UBA1: variants seen among roughly 807,000 people sequenced by gnomAD.
UBA1 encodes ubiquitin-like modifier-activating enzyme 1.
In UBA1, 4 loss-of-function variants were observed where a neutral mutation model predicts 84.7. The observed-to-expected ratio is 0.05, with a 90% CI of 0.02 to 0.11. The LOEUF (loss-of-function observed/expected upper bound fraction) is 0.11. UBA1 is among the 10% of genes least tolerant of loss of function. UBA1 has a pLI of 1.00. For missense variants in UBA1, 513 were observed against 902.8 expected (o/e 0.57, Z 5.53); for synonymous variants, 364 against 362.6 (o/e 1.00, Z -0.04).
At chrX:47,201,146 C>T (rs782371455) in intron 6 of UBA1, 130 bp from the exon 7 acceptor site, 1 of 796,312 alleles carries the variant, frequency 1.3e-6, no homozygotes, top group Non-Finnish European at 1.9e-6. Context: ...CCATGTGGCA[C>T]AAGTACCATC....
chrX:47,197,628 ATTG>A, intron 1 of UBA1: 2 of 754,043 alleles, frequency 2.7e-6, no homozygotes, highest in East Asian at 3.0e-4. Context: ...AGCAGGCTTT[ATTG>A]TTCTGTCTCT....
rs782469773 is a variant in UBA1 at position 47,209,982 on chromosome X, G to T, written c.2058G>T (p.Glu686Asp). 1 of 1,210,909 alleles carries T rather than the reference G, an allele frequency of 8.3e-7. No homozygotes were observed. Among genetic ancestry groups the T allele is most frequent in the African/African-American group, 1.7e-5 (1 of 57,336 alleles). Residue 686 changes from glutamate (E) to aspartate (D), a missense_variant, in exon 18 of 26, where the codon GAG (glutamate) becomes GAT (aspartate). Physicochemically the swap from Glu to Asp is conservative, Grantham distance 45. This residue lies in a region of UBA1 where 40 missense variants were observed against 138.3 expected (regional missense o/e 0.29). Coordinates refer to ENST00000335972, the MANE Select transcript of UBA1 (RefSeq NM_003334.4). ...TLRLAGTQPLEVLEAVQRSLV... is the reference protein window; with the variant it reads ...TLRLAGTQPLDVLEAVQRSLV... ...GGCTGGCAGGCACTCAGCCCTTGGA[G>T]GTGCTGGAGGCTGTGCAGCGCAGCC...
chrX:47,197,778 C>T (rs782045034), intron 1 of UBA1: 13 of 445,999 alleles, frequency 2.9e-5, no homozygotes, highest in South Asian at 1.1e-4. Flanking sequence ...TCAGAGTCAG[C>T]AGATCCTGGT....
intron 8 of UBA1, 62 bp from the exon 9 acceptor site, chrX:47,202,094 G>A: frequency 1.0e-6 from 1 of 982,173 alleles, no homozygotes; most frequent in Non-Finnish European, 1.4e-6. Context: ...TCCTTATCTT[G>A]CAGGGGTTGT....
intron 1 of UBA1, chrX:47,198,211 G>A (rs1556786118): frequency 1.0e-6 from 1 of 979,584 alleles, no homozygotes. Flanking sequence ...GGATGTCCAA[G>A]CCTCACTTCC....
intron 20 of UBA1, 111 bp downstream of exon 20, chrX:47,211,336 C>A: frequency 1.1e-6 from 1 of 906,856 alleles, no homozygotes; most frequent in Non-Finnish European, 1.6e-6. Context: ...GACCCCAGGC[C>A]TGAGGTTTAC....
chrX:47,197,913 CAG>C (rs1936261579), intron 1 of UBA1: 1 of 777,849 alleles, frequency 1.3e-6, no homozygotes, highest in African/African-American at 2.2e-5. Context: ...ACCCTGAGGA[CAG>C]AGTGAGACGA....
chrX:47,210,241 C>CAATCACTCTTCTCAGATCCCCA, intron 18 of UBA1, 118 bp downstream of exon 18: 1 of 838,972 alleles, frequency 1.2e-6, no homozygotes, highest in Non-Finnish European at 1.7e-6. Flanking sequence ...GCATGGGGAT[C>CAATCACTCTTCTCAGATCCCCA]TGAGAAGAGT....
upstream of UBA1, among the ~76,000 whole-genome samples, chrX:47,191,106 G>T (rs2147234321): frequency 9.0e-6 from 1 of 111,621 alleles, no homozygotes; most frequent in African/African-American, 3.3e-5. Context: ...CCCTTAAGGG[G>T]TGCCGTTTGG....
Position 47,202,823 on chromosome X carries a change from G to A in UBA1, c.1233+9G>A, listed in dbSNP as rs1556788863. 1 of 1,205,919 alleles carries A rather than the reference G, an allele frequency of 8.3e-7. No homozygotes were observed. The highest frequency in any genetic ancestry group is 1.1e-6 in the Non-Finnish European group (1 of 892,243). On this transcript the variant is annotated intron_variant, in intron 11 of 25. Coordinates refer to ENST00000335972, the MANE Select transcript of UBA1 (RefSeq NM_003334.4). ...CCCAGGAAGTCATGAAGGTCAGCAC[G>A]GGTGGGGAGAGGCAGGATTGGGGTG...
At chrX:47,211,999 A>C in intron 20 of UBA1, among the ~76,000 whole-genome samples, 1 of 67,321 alleles carries the variant, frequency 1.5e-5, no homozygotes, top group Non-Finnish European at 2.5e-5. Flanking sequence ...CTCCCCCCAT[A>C]TCTTTCCTCT....
chrX:47,211,080 C>T lies in UBA1; in HGVS notation c.2319C>T (p.Ala773=). Residue 773 remains alanine, a synonymous_variant, in exon 20 of 26, where the codon GCC becomes GCT. Transcript: ENST00000335972. ...TGATGGCTGCTGCCAACCTGTTTGC[C>T]CAGACCTACGGGCTGACAGGCTCTC... ...DYVMAAANLF[A]QTYGLTGSQD... is the part of the protein sequence containing the mutation. 2 of 1,211,771 alleles carry T rather than the reference C, an allele frequency of 1.7e-6. No individual in the cohort carries two copies. Among genetic ancestry groups the T allele is most frequent in the Non-Finnish European group, 2.2e-6 (2 of 895,559 alleles).
chrX:47,202,266 A>G lies in UBA1; in HGVS notation c.909+13A>G. On this transcript the variant is annotated intron_variant, in intron 9 of 25. Coordinates refer to ENST00000335972, the MANE Select transcript of UBA1 (RefSeq NM_003334.4). ...GAAGATTAGCTTTGTGAGTGTGTCG[A>G]TGGGATCAGTGGGCTGTGGGGGGTG... 8.3e-7 allele frequency: 1 copy of G among 1,207,414 alleles called. No individual in the cohort carries two copies. The highest frequency in any genetic ancestry group is 1.1e-6 in the Non-Finnish European group (1 of 892,373).
intron 1 of UBA1, chrX:47,197,239 C>G: frequency 1.3e-6 from 1 of 755,151 alleles, no homozygotes; most frequent in Non-Finnish European, 1.6e-6. Flanking sequence ...CAGTCCCCCA[C>G]CAGCTGCATG....
intron 5 of UBA1, among the ~76,000 whole-genome samples, chrX:47,200,087 G>GC (rs1936349788): frequency 9.0e-6 from 1 of 111,540 alleles, no homozygotes; most frequent in Non-Finnish European, 1.9e-5. Flanking sequence ...ACCCGGCCTG[G>GC]CCCCGCCTTT....
chrX:47,197,258 C>A, intron 1 of UBA1: 1 of 754,953 alleles, frequency 1.3e-6, no homozygotes, highest in Non-Finnish European at 1.6e-6. Flanking sequence ...TGCCTCTGGG[C>A]GAGTGAATGG....
At chrX:47,214,206 G>C in intron 23 of UBA1, 121 bp from the exon 24 acceptor site, 1 of 620,228 alleles carries the variant, frequency 1.6e-6, no homozygotes, top group Middle Eastern at 4.4e-4. Context: ...AGAGGATTTC[G>C]AACAAAAGAG....
chrX:47,198,754 A>T (rs1936294733), intron 1 of UBA1, 49 bp from the exon 2 acceptor site: 1 of 1,144,634 alleles, frequency 8.7e-7, no homozygotes, highest in African/African-American at 1.8e-5. Flanking sequence ...CAAACAGAAA[A>T]ACGGTACCCA....
chrX:47,210,757 C>A, intron 18 of UBA1, 85 bp from the exon 19 acceptor site: 1 of 1,001,845 alleles, frequency 1.0e-6, no homozygotes, highest in Non-Finnish European at 1.4e-6. Flanking sequence ...ATTGGGGGCA[C>A]ATCTGGGGCC....
Sources: allele counts gnomAD v4.1 joint callset (sites outside exome capture counted in the v4.1 genomes callset), GRCh38; gene constraint gnomAD v4.1.1; regional missense constraint gnomAD v4.1.1; transcripts MANE v1.5; gene names NCBI Gene and HGNC (gene_info 2026-07-23, HGNC 2026-07-21).